Variants in PCA3 observed in about 807,000 individuals in gnomAD.
The protein encoded by PCA3 is Differential Display code 3.
chr9:76,779,057 T>G (rs1188888896), intron 2 of PCA3: 1 of 152,230 alleles, frequency 6.6e-6, no homozygotes, highest in Admixed American at 6.5e-5. Flanking sequence ...TTATCTCACC[T>G]TTGAAGATAC....
chr9:76,765,623 T>C (rs982909631), intron 2 of PCA3, among the ~76,000 whole-genome samples: 3 of 152,154 alleles, frequency 2.0e-5, no homozygotes, highest in Non-Finnish European at 4.4e-5. Flanking sequence ...TATCCATCCA[T>C]CCCTCCACCC....
At chr9:76,776,893 T>TACACACACACAC (rs541232508) in intron 2 of PCA3, among the ~76,000 whole-genome samples, 12 of 115,670 alleles carry the variant, frequency 1.0e-4, no homozygotes, top group South Asian at 3.0e-4. Flanking sequence ...CCAAAACACA[T>TACACACACACAC]ACACACACAC....
chr9:76,782,400 C>T (rs1198837706), intron 2 of PCA3, among the ~76,000 whole-genome samples: 3 of 152,076 alleles, frequency 2.0e-5, no homozygotes, highest in Admixed American at 2.0e-4. Context: ...AGACCATGAA[C>T]GCTAGGGCCA....
chr9:76,768,968 A>G (rs2052776366), intron 2 of PCA3, among the ~76,000 whole-genome samples: 2 of 152,216 alleles, frequency 1.3e-5, no homozygotes, highest in Non-Finnish European at 2.9e-5. Flanking sequence ...ACAAAGATAT[A>G]TAACTCGACC....
intron 2 of PCA3, among the ~76,000 whole-genome samples, chr9:76,768,571 ATATG>A (rs896228236): frequency 1.7e-4 from 21 of 120,212 alleles, no homozygotes; most frequent in African/African-American, 6.4e-4. Flanking sequence ...GTTGATATAT[ATATG>A]TATATGTATG....
chr9:76,778,068 A>G (rs931835247), intron 2 of PCA3, among the ~76,000 whole-genome samples: 1 of 152,236 alleles, frequency 6.6e-6, no homozygotes, highest in Non-Finnish European at 1.5e-5. Flanking sequence ...CCTTGGCTGC[A>G]CATTAGATTT....
chr9:76,766,798 C>T (rs2052446232), intron 2 of PCA3, among the ~76,000 whole-genome samples: 1 of 152,142 alleles, frequency 6.6e-6, no homozygotes, highest in African/African-American at 2.4e-5. Flanking sequence ...CATAGGGAGT[C>T]CAAACATCAC....
At chr9:76,771,438 A>C (rs2130944480) in intron 2 of PCA3, among the ~76,000 whole-genome samples, 1 of 152,342 alleles carries the variant, frequency 6.6e-6, no homozygotes, top group East Asian at 1.9e-4. Flanking sequence ...TCTAGAAGAA[A>C]GAGCTATGAA....
rs368382769 is a variant in PCA3, at chr9:76,776,609, A to G, written n.853-31974A>G. ...GGCTCACTGCAACATCCGCCTCCCG[A>G]GTTCAAGCAATTCTCCTGCCTCAGC... On this transcript the variant is annotated intron_variant and non_coding_transcript_variant, in intron 2 of 5. Transcript: ENST00000644657. Among the ~76,000 whole-genome samples the G allele has an allele frequency of 1.2e-3, 170 of 143,568 alleles. 1 individual carries two copies. Among genetic ancestry groups the G allele is most frequent in the African/African-American group, 4.1e-3 (157 of 37,942 alleles). The allele number at this position is 143,568 out of a possible 152,430, so 94.2% of individuals were successfully genotyped here.
chr9:76,769,653 G>A (rs1380879700), intron 2 of PCA3, among the ~76,000 whole-genome samples: 4 of 152,142 alleles, frequency 2.6e-5, no homozygotes, highest in South Asian at 2.1e-4. Context: ...TCGAACTCCC[G>A]ACATCAGGTG....
chr9:76,770,026 A>G (rs1457419075), intron 2 of PCA3, among the ~76,000 whole-genome samples: 1 of 152,248 alleles, frequency 6.6e-6, no homozygotes, highest in Admixed American at 6.5e-5. Flanking sequence ...AAAATTTATT[A>G]GCATCATAAC....
chr9:76,776,893 TACACACACAC>T (rs541232508), intron 2 of PCA3, among the ~76,000 whole-genome samples: 11,829 of 115,568 alleles, frequency 0.1, 557 homozygotes, highest in Non-Finnish European at 0.11. Context: ...CCAAAACACA[TACACACACAC>T]ACACACACAC....
chr9:76,785,481 T>A (rs893007720), intron 2 of PCA3: 1 of 152,210 alleles, frequency 6.6e-6, no homozygotes, highest in Non-Finnish European at 1.5e-5. Flanking sequence ...TTTCTCTATC[T>A]CTATCACAAT....
chr9:76,779,009 T>G (rs1349461460), intron 2 of PCA3: 1 of 152,332 alleles, frequency 6.6e-6, no homozygotes, highest in Non-Finnish European at 1.5e-5. Context: ...CTAGTCATCT[T>G]AAATAAATGA....
rs11145060 is a variant in PCA3 at position 76,783,537 on chromosome 9, G to A, written n.853-25046G>A. The stretch of plus-strand genomic sequence containing the variant: ...TATGTAGATTGCTTCATTTGTTCCT[G>A]CCAACAGCCCACTGAAATAAGTATT... On this transcript the variant is annotated intron_variant and non_coding_transcript_variant, in intron 2 of 5. Transcript: ENST00000644657. 1.6e-3 allele frequency among the ~76,000 whole-genome samples: 238 copies of A among 152,246 alleles called. 1 individual carries two copies. The highest frequency in any genetic ancestry group is 1.9e-3 in the Non-Finnish European group (126 of 68,024).
rs141618342 is a variant in PCA3 at position 76,775,145 on chromosome 9, G to A, written n.853-33438G>A. On this transcript the variant is annotated intron_variant and non_coding_transcript_variant, in intron 2 of 5. Coordinates refer to ENST00000644657, the Ensembl canonical transcript of PCA3. ...GAAAATCAAGTTTATTTGGTCGGGGGGAAAGAAAGGACTTTTTCACTAACC... is the reference window on the plus strand; with the variant it reads ...GAAAATCAAGTTTATTTGGTCGGGGAGAAAGAAAGGACTTTTTCACTAACC... 3.3e-5 allele frequency among the ~76,000 whole-genome samples: 5 copies of A among 152,280 alleles called. 1 individual carries two copies. The East Asian group carries it at 7.7e-4, about 24-fold the overall frequency.
intron 2 of PCA3, among the ~76,000 whole-genome samples, chr9:76,776,911 C>T (rs925920410): frequency 2.7e-5 from 4 of 148,156 alleles, no homozygotes; most frequent in African/African-American, 1.0e-4. Context: ...CACACACACA[C>T]ACACACACAC....
At chr9:76,774,453 T>TTTTTAGTTATTTATTTATTTA (rs1554761597) in intron 2 of PCA3, among the ~76,000 whole-genome samples, 2 of 122,224 alleles carry the variant, frequency 1.6e-5, no homozygotes, top group African/African-American at 2.9e-5. Flanking sequence ...TTCAACCCTT[T>TTTTTAGTTATTTATTTATTTA]TTTTTTTTTT....
chr9:76,780,135 C>G (rs1044211484), intron 2 of PCA3, among the ~76,000 whole-genome samples: 8 of 152,156 alleles, frequency 5.3e-5, no homozygotes, highest in African/African-American at 1.9e-4. Context: ...TGCAACTAAA[C>G]TTTCAGGCCT....
Sources: allele counts gnomAD v4.1 joint callset (sites outside exome capture counted in the v4.1 genomes callset), GRCh38; gene constraint gnomAD v4.1.1; transcripts MANE v1.5; gene names NCBI Gene and HGNC (gene_info 2026-07-23, HGNC 2026-07-21).